The following STAT4 variants were observed in gnomAD, a reference collection of about 807,000 sequenced individuals.
STAT4 encodes the protein signal transducer and activator of transcription 4.
STAT4 carries 42 observed loss-of-function variants against 110.5 expected under a neutral mutation model. The observed-to-expected ratio is 0.38, with a 90% CI of 0.30 to 0.49. STAT4 has a LOEUF of 0.49. Ranked by LOEUF, STAT4 falls within the 20% of genes least tolerant of loss-of-function variation. The probability of loss-of-function intolerance (pLI) is 0.95; values close to 1 mark genes in which losing one functional copy is unlikely to be tolerated. For missense variants in STAT4, 632 were observed against 887.9 expected, an observed-to-expected ratio of 0.71 and a Z score of 3.66; for synonymous variants, 284 against 302.2, an observed-to-expected ratio of 0.94 and a Z score of 0.63.
At position 191,147,413 on chromosome 2, in the gene STAT4, G is replaced by A. The variant is rs565015592; in HGVS notation, c.129-656C>T. Among the ~76,000 whole-genome samples, 37 of 152,098 alleles carry A rather than the reference G, an allele frequency of 2.4e-4. No homozygotes were observed. The highest frequency in any genetic ancestry group is 4.6e-4 in the Admixed American group (7 of 15,266). On this transcript the variant is annotated intron_variant, in intron 2 of 23. Coordinates refer to ENST00000392320, the MANE Select transcript of STAT4 (RefSeq NM_003151.4). The surrounding 1 kb of genome is among the most constrained non-coding windows in gnomAD (Gnocchi z 4.1). ...AAGCAAAATAAGTCAGTTACAAAAG[G>A]AAAAATATTGTGTGATTCCAATTAT...
Position 191,033,218 on chromosome 2 carries a change from C to T in STAT4, c.1853-69G>A. 1 of 1,476,250 alleles carries T rather than the reference C, an allele frequency of 6.8e-7. No homozygotes were observed. The allele number at this position is 1,476,250 out of a possible 1,614,324, so 91.4% of individuals were successfully genotyped here. ...ATTCCTTGTGACCATTTCTTCCCTG[C>T]CCACATTATCTTCATGCCACTGGAG... On this transcript the variant is annotated intron_variant, in intron 20 of 23. Transcript: ENST00000392320. The surrounding 1 kb of genome is among the most constrained non-coding windows in gnomAD (Gnocchi z 6.9).
rs190976189 is a variant in STAT4, at chr2:191,042,743, T to C, written c.1252-1595A>G. Among the ~76,000 whole-genome samples the C allele has an allele frequency of 2.1e-3, 321 of 152,162 alleles. 1 individual carries two copies. Among genetic ancestry groups the C allele is most frequent in the South Asian group, 0.017 (84 of 4,816 alleles). ...GCAAAATATTAATCATTGTTGAAGT[T>C]AGGTGATGCTTAAATTCATTCATTG... On this transcript the variant is annotated intron_variant, in intron 14 of 23. Transcript: ENST00000392320. This position sits in a 1 kb window ranked among gnomAD's most constrained non-coding sequence, Gnocchi z 4.2.
rs143403334 is a variant in STAT4 at position 191,051,991 on chromosome 2, C to T, written c.1251+2499G>A. On this transcript the variant is annotated intron_variant, in intron 14 of 23. Coordinates refer to ENST00000392320, the MANE Select transcript of STAT4 (RefSeq NM_003151.4). The surrounding 1 kb of genome is among the most constrained non-coding windows in gnomAD (Gnocchi z 5.6). ...TGTCCAGTATATAGTAAATGCCACA[C>T]GAGGATTGTTGAAGACATTCTTAGC... Among the ~76,000 whole-genome samples, 9 of 152,270 alleles carry T rather than the reference C, an allele frequency of 5.9e-5. No homozygotes were observed. Among genetic ancestry groups the T allele is most frequent in the East Asian group, 3.9e-4 (2 of 5,194 alleles).
chr2:191,048,562 G>A (rs13007970), intron 14 of STAT4, among the ~76,000 whole-genome samples: 1 of 151,468 alleles, frequency 6.6e-6, no homozygotes, highest in Admixed American at 6.6e-5. Flanking sequence ...GATCATCTGA[G>A]GTCAGGAGTT....
chr2:191,081,543 G>A (rs886224114), intron 3 of STAT4, among the ~76,000 whole-genome samples: 2 of 152,182 alleles, frequency 1.3e-5, no homozygotes, highest in African/African-American at 2.4e-5. Flanking sequence ...GCTAACTGGC[G>A]TGAGATGGTA....
intron 7 of STAT4, 146 bp from the exon 8 acceptor site, chr2:191,065,104 G>A (rs1696951929): frequency 2.5e-6 from 2 of 813,190 alleles, no homozygotes; most frequent in Non-Finnish European, 3.6e-6. Flanking sequence ...CTATTTGCCA[G>A]GCCTTTTCAA....
At chr2:191,054,247 A>T (rs1199540458) in intron 14 of STAT4, among the ~76,000 whole-genome samples, 1 of 151,928 alleles carries the variant, frequency 6.6e-6, no homozygotes, top group Non-Finnish European at 1.5e-5. Context: ...GACTGGAATG[A>T]TGTATACCAA....
chr2:191,076,579 C>G (rs957020623), intron 3 of STAT4, among the ~76,000 whole-genome samples: 1 of 151,562 alleles, frequency 6.6e-6, no homozygotes, highest in African/African-American at 2.4e-5. Context: ...TCTCGAGCAC[C>G]TTTTTAGGAA....
intron 3 of STAT4, among the ~76,000 whole-genome samples, chr2:191,114,325 ATAT>A (rs1698515835): frequency 6.6e-6 from 1 of 152,198 alleles, no homozygotes; most frequent in Non-Finnish European, 1.5e-5. Context: ...TGTTGCATAC[ATAT>A]TATTATTAAG....
chr2:191,100,843 G>C (rs1466934362), intron 3 of STAT4, among the ~76,000 whole-genome samples: 1 of 151,774 alleles, frequency 6.6e-6, no homozygotes, highest in Non-Finnish European at 1.5e-5. Flanking sequence ...CTCTGGGCTT[G>C]ATAATGGACT....
chr2:191,130,035 T>C (rs1437065906), intron 3 of STAT4, among the ~76,000 whole-genome samples: 2 of 152,104 alleles, frequency 1.3e-5, no homozygotes, highest in African/African-American at 4.8e-5. Context: ...TTAATTTCAT[T>C]TAGGAATTCC....
In STAT4 at chr2:191,050,427, T is replaced by C. The variant is rs1232975454; in HGVS notation, c.1251+4063A>G. On this transcript the variant is annotated intron_variant, in intron 14 of 23. Coordinates refer to ENST00000392320, the MANE Select transcript of STAT4 (RefSeq NM_003151.4). The surrounding 1 kb of genome is among the most constrained non-coding windows in gnomAD (Gnocchi z 4.3). The stretch of plus-strand genomic sequence containing the variant: ...TGCTAAAGTTGATTTTATGATAGCG[T>C]GTCTACAGATTCCTCAAGGAATGTT... Among the ~76,000 whole-genome samples the C allele has an allele frequency of 6.6e-6, 1 of 152,244 alleles. No individual in the cohort carries two copies. The highest frequency in any genetic ancestry group is 1.5e-5 in the Non-Finnish European group (1 of 68,050).
chr2:191,033,306 G>A lies in STAT4; in HGVS notation c.1853-157C>T, dbSNP rs3024894. 0.045 allele frequency among the ~76,000 whole-genome samples: 6,815 copies of A among 152,184 alleles called. 502 individuals are homozygous for A. The highest frequency in any genetic ancestry group is 0.15 in the African/African-American group (6,325 of 41,476). ...CTGCTGTCTGGACAGTATAGATTGT[G>A]CATACGATAGACTTTTTGGAATTCA... On this transcript the variant is annotated intron_variant, in intron 20 of 23. Transcript: ENST00000392320. This position sits in a 1 kb window ranked among gnomAD's most constrained non-coding sequence, Gnocchi z 6.9.
intron 3 of STAT4, among the ~76,000 whole-genome samples, chr2:191,102,155 C>G (rs1698164459): frequency 6.6e-6 from 1 of 152,046 alleles, no homozygotes; most frequent in South Asian, 2.1e-4. Context: ...TGGCGATGAC[C>G]TTTAGCAGCA....
At chr2:191,085,970 T>C (rs1697623581) in intron 3 of STAT4, among the ~76,000 whole-genome samples, 1 of 152,230 alleles carries the variant, frequency 6.6e-6, no homozygotes, top group Non-Finnish European at 1.5e-5. Context: ...GTAAAATATA[T>C]TCTTGTGAGC....
Position 191,034,613 on chromosome 2 carries a change from A to G in STAT4, c.1571-16T>C. 6.2e-7 allele frequency: 1 copy of G among 1,607,224 alleles called. No individual in the cohort carries two copies. Among genetic ancestry groups the G allele is most frequent in the South Asian group, 1.1e-5 (1 of 90,866 alleles). ...CTAGATTGGACTGAAATGAAAGAAA[A>G]GAATGAAATTTTTCACTGGACAATG... On this transcript the variant is annotated splice_polypyrimidine_tract_variant and intron_variant, in intron 17 of 23. Transcript: ENST00000392320.
At chr2:191,109,116 G>C (rs1698357399) in intron 3 of STAT4, among the ~76,000 whole-genome samples, 1 of 152,192 alleles carries the variant, frequency 6.6e-6, no homozygotes, top group African/African-American at 2.4e-5. Context: ...TGTTTGCTGA[G>C]TGCTTTCACT....
Position 191,039,311 on chromosome 2 carries a change from A to G in STAT4, c.1336-14T>C, listed in dbSNP as rs1346916805. 2.5e-6 allele frequency: 4 copies of G among 1,610,866 alleles called. No individual in the cohort carries two copies. The highest frequency in any genetic ancestry group is 3.4e-6 in the Non-Finnish European group (4 of 1,177,122). ...CAATGAGCTGGTCTGGTTTGGGGGGAAAAAAGCATAGTTATTACAGGTAGT... is the reference window on the plus strand; with the variant it reads ...CAATGAGCTGGTCTGGTTTGGGGGGGAAAAAGCATAGTTATTACAGGTAGT... On this transcript the variant is annotated splice_polypyrimidine_tract_variant and intron_variant, in intron 15 of 23. Transcript: ENST00000392320. This position sits in a 1 kb window ranked among gnomAD's most constrained non-coding sequence, Gnocchi z 4.7.
At chr2:191,094,614 C>T (rs956399814) in intron 3 of STAT4, among the ~76,000 whole-genome samples, 3 of 152,164 alleles carry the variant, frequency 2.0e-5, no homozygotes, top group Middle Eastern at 3.4e-3. Context: ...AGGGAACAAC[C>T]GGTACCAGCC....
Sources: allele counts gnomAD v4.1 joint callset (sites outside exome capture counted in the v4.1 genomes callset), GRCh38; gene constraint gnomAD v4.1.1; non-coding constraint Gnocchi (gnomAD v3.1); transcripts MANE v1.5; gene names NCBI Gene and HGNC (gene_info 2026-07-23, HGNC 2026-07-21).